Variants in ATG14 observed in about 807,000 individuals in gnomAD.
ATG14 encodes beclin 1-associated autophagy-related key regulator.
Under a neutral mutation model 60.4 loss-of-function variants are expected in ATG14, and 35 were observed. The observed-to-expected ratio is 0.58, with a 90% CI of 0.44 to 0.77. The LOEUF is 0.77. ATG14 is among the 30% of genes least tolerant of loss of function. The pLI is 0.00. For synonymous variants in ATG14, 234 were observed against 228.8 expected (o/e 1.02, Z -0.21); for missense variants, 647 against 626.3 (o/e 1.03, Z -0.35).
chr14:55,380,708 C>T lies in ATG14; in HGVS notation c.878-18G>A, dbSNP rs1405847379. ...CTCCATGTCTGCAGTAAGAAAACAA[C>T]CACCATGTACAAAACCTTAATTCCA... On this transcript the variant is annotated intron_variant, in intron 6 of 9. Transcript: ENST00000247178. 5.9e-6 allele frequency: 9 copies of T among 1,521,526 alleles called. No individual in the cohort carries two copies. Among genetic ancestry groups the T allele is most frequent in the Admixed American group, 1.9e-5 (1 of 53,206 alleles). The allele number at this position is 1,521,526 out of a possible 1,614,324, so 94.3% of individuals were successfully genotyped here.
chr14:55,391,092 C>T (rs1002759561), intron 3 of ATG14, 100 bp from the exon 4 acceptor site: 2 of 765,448 alleles, frequency 2.6e-6, no homozygotes, highest in Non-Finnish European at 4.2e-6. Context: ...TGTCAGAAAA[C>T]ATAATGAAGA....
At chr14:55,380,928 T>C (rs1218440732) in intron 6 of ATG14, among the ~76,000 whole-genome samples, 3 of 145,794 alleles carry the variant, frequency 2.1e-5, no homozygotes, top group South Asian at 2.2e-4. Flanking sequence ...TGGGCCTAAA[T>C]AGACCCAACA....
intron 6 of ATG14, among the ~76,000 whole-genome samples, chr14:55,381,470 C>T (rs1195556174): frequency 1.3e-5 from 2 of 152,060 alleles, no homozygotes; most frequent in African/African-American, 4.8e-5. Context: ...TATTAACCCC[C>T]AAAAGGTGAG....
chr14:55,374,214 A>G (rs1884876974), intron 9 of ATG14, among the ~76,000 whole-genome samples: 2 of 133,464 alleles, frequency 1.5e-5, no homozygotes, highest in African/African-American at 5.2e-5. Context: ...TATTATTTTA[A>G]TGTTTTTTTT....
chr14:55,393,088 A>C (rs1433835807), intron 3 of ATG14, among the ~76,000 whole-genome samples: 3 of 152,240 alleles, frequency 2.0e-5, no homozygotes, highest in African/African-American at 7.2e-5. Flanking sequence ...TTTTAAGTAT[A>C]ATGAAATATA....
intron 9 of ATG14, among the ~76,000 whole-genome samples, chr14:55,370,883 C>T (rs1020938021): frequency 2.0e-5 from 3 of 152,092 alleles, no homozygotes; most frequent in African/African-American, 7.2e-5. Flanking sequence ...TCAAGTGATC[C>T]ACCCACCCCT....
chr14:55,392,775 T>A (rs941480640), intron 3 of ATG14, among the ~76,000 whole-genome samples: 1 of 152,134 alleles, frequency 6.6e-6, no homozygotes, highest in Admixed American at 6.5e-5. Context: ...GTTACACTTA[T>A]CTAAGTAGTC....
rs749888042 is a variant in ATG14 at position 55,397,353 on chromosome 14, GACAAA to G, written c.284+14_284+18del. ...ACTAGATCACCTCCACAAATTAAAAGACAAAACAAAACACTCACTCTTTCTGAAAT... is the reference window on the plus strand; with the variant it reads ...ACTAGATCACCTCCACAAATTAAAAGACAAAACACTCACTCTTTCTGAAAT... On this transcript the variant is annotated intron_variant, in intron 2 of 9. Coordinates refer to ENST00000247178, the MANE Select transcript of ATG14 (RefSeq NM_014924.5). The G allele has an allele frequency of 2.4e-4, 391 of 1,608,078 alleles. 3 individuals are homozygous for G. Among genetic ancestry groups the G allele is most frequent in the South Asian group, 1.7e-3 (153 of 90,810 alleles).
At chr14:55,375,931 A>G (rs1300528750) in intron 9 of ATG14, among the ~76,000 whole-genome samples, 1 of 152,234 alleles carries the variant, frequency 6.6e-6, no homozygotes, top group Non-Finnish European at 1.5e-5. Context: ...GATATCCACT[A>G]GTAATAATCT....
rs75414007 is a variant in ATG14 at position 55,397,718 on chromosome 14, G to A, written c.222-284C>T. Among the ~76,000 whole-genome samples the A allele has an allele frequency of 8.4e-3, 1,279 of 152,254 alleles. 23 individuals carry two copies. The highest frequency in any genetic ancestry group is 0.03 in the African/African-American group (1,230 of 41,554). On this transcript the variant is annotated intron_variant, in intron 1 of 9. Coordinates refer to ENST00000247178, the MANE Select transcript of ATG14 (RefSeq NM_014924.5). ...ATTATTTGTCAAAACAGGCACATCAGAACACTAAAGTGAATTTGAATTCAA... is the reference window on the plus strand; with the variant it reads ...ATTATTTGTCAAAACAGGCACATCAAAACACTAAAGTGAATTTGAATTCAA...
At chr14:55,382,360 T>C (rs1367471074) in intron 5 of ATG14, among the ~76,000 whole-genome samples, 169 bp from the exon 6 acceptor site, 1 of 152,176 alleles carries the variant, frequency 6.6e-6, no homozygotes, top group African/African-American at 2.4e-5. Flanking sequence ...TTATCCAACA[T>C]GGAGCGCAGT....
chr14:55,386,167 A>C, intron 4 of ATG14, 71 bp from the exon 5 acceptor site: 1 of 1,275,630 alleles, frequency 7.8e-7, no homozygotes, highest in East Asian at 2.3e-5. Context: ...GCTCCACCCC[A>C]CAAACATGCG....
chr14:55,399,680 G>A (rs192352653), intron 1 of ATG14, among the ~76,000 whole-genome samples: 1 of 152,314 alleles, frequency 6.6e-6, no homozygotes, highest in East Asian at 1.9e-4. Flanking sequence ...TTATATCAGT[G>A]AGACAACAGG....
Position 55,369,634 on chromosome 14 carries a change from G to GT in ATG14, c.1463dup (p.Tyr488Ter). Residue 488 changes from tyrosine to a stop codon, truncating the protein, a stop_gained and frameshift_variant, in exon 10 of 10, where the codon TAC (tyrosine) becomes TAAC (stop). Transcript: ENST00000247178. LOFTEE classifies it high-confidence loss of function. ...AASVTSWFKA[Y>*]TGHR ...TCCATGCTCGTTAACGGTGTCCAGT[G>GT]TAAGCTTTAAACCAGGAGGTCACCG... 6.5e-7 allele frequency: 1 copy of GT among 1,529,614 alleles called. No individual in the cohort carries two copies. The highest frequency in any genetic ancestry group is 8.8e-7 in the Non-Finnish European group (1 of 1,136,884). 94.8% of individuals were successfully genotyped at this position (1,529,614 alleles called of 1,614,324 possible).
intron 9 of ATG14, among the ~76,000 whole-genome samples, chr14:55,371,135 C>T (rs188525347): frequency 6.6e-6 from 1 of 152,256 alleles, no homozygotes; most frequent in Non-Finnish European, 1.5e-5. Context: ...GCACACGATG[C>T]CTTGGTTCAT....
At chr14:55,397,078 TCTA>T (rs1885325286) in intron 2 of ATG14, among the ~76,000 whole-genome samples, 1 of 152,182 alleles carries the variant, frequency 6.6e-6, no homozygotes, top group Non-Finnish European at 1.5e-5. Context: ...CTAATTTAAG[TCTA>T]CTAATCATGC....
At chr14:55,376,569 G>C (rs540358278) in intron 9 of ATG14, among the ~76,000 whole-genome samples, 23 of 152,288 alleles carry the variant, frequency 1.5e-4, no homozygotes, top group South Asian at 6.2e-4. Flanking sequence ...GAGGTGGGGA[G>C]GGGGAGGAAG....
At chr14:55,385,432 A>G (rs2140134871) in intron 5 of ATG14, among the ~76,000 whole-genome samples, 1 of 152,310 alleles carries the variant, frequency 6.6e-6, no homozygotes. Context: ...AGCTGGGACT[A>G]CAGGCACGCG....
intron 9 of ATG14, among the ~76,000 whole-genome samples, chr14:55,373,022 C>T (rs760552478): frequency 6.4e-5 from 8 of 124,038 alleles, no homozygotes; most frequent in Non-Finnish European, 9.1e-5. Context: ...GAGGCCCCTG[C>T]GATGTTTCTC....
Sources: gnomAD v4.1 joint callset for allele counts (sites outside exome capture counted in the v4.1 genomes callset) on GRCh38, gnomAD v4.1.1 for gene constraint, MANE v1.5 for transcripts, NCBI Gene and HGNC (gene_info 2026-07-23, HGNC 2026-07-21) for gene names.